EFCAB6: variants seen among roughly 807,000 people sequenced by gnomAD.
The protein encoded by EFCAB6 is EF-hand calcium-binding domain-containing protein 6.
In EFCAB6, 156 loss-of-function variants were observed where a neutral mutation model predicts 169.8. That is an observed-to-expected ratio of 0.92 (90% CI 0.81 to 1.05). EFCAB6 has a LOEUF of 1.05. Among genes scored for constraint, EFCAB6 ranks in the 50% least tolerant of loss-of-function variants. EFCAB6 has a pLI of 0.00. For synonymous variants in EFCAB6, 698 were observed against 676.4 expected (o/e 1.03, Z -0.50); for missense variants, 1,800 against 1,829.1 (o/e 0.98, Z 0.29).
intron 19 of EFCAB6, 62 bp downstream of exon 19, chr22:43,632,043 G>A (rs535465920): frequency 3.8e-6 from 6 of 1,588,752 alleles, no homozygotes; most frequent in East Asian, 2.2e-5. Context: ...CACCCACTTG[G>A]GCTGCGTGGT....
In EFCAB6 at chr22:43,540,151, C is replaced by T; in HGVS notation, c.3855G>A (p.Gly1285=). The stretch of plus-strand genomic sequence containing the variant: ...CACAGGGGTGGCTCTGCGACTTTGA[C>T]CCTGGTCTCAGCTCCTGAGTGGGCA... ...LSLPTQELRP[G]SKSQSHPCTP... Residue 1285 remains glycine, a synonymous_variant, in exon 28 of 32, where the codon GGG becomes GGA. Transcript: ENST00000262726. 6.2e-7 allele frequency: 1 copy of T among 1,614,162 alleles called. No individual in the cohort carries two copies. The highest frequency in any genetic ancestry group is 8.5e-7 in the Non-Finnish European group (1 of 1,180,006).
chr22:43,604,932 G>A (rs945991018), intron 22 of EFCAB6, among the ~76,000 whole-genome samples: 2 of 152,098 alleles, frequency 1.3e-5, no homozygotes, highest in Admixed American at 1.3e-4. Context: ...TACTCGGGTC[G>A]GCCCTTTGGT....
rs571022755 is a variant in EFCAB6 at position 43,565,147 on chromosome 22, G to A, written c.3421-10051C>T. On this transcript the variant is annotated intron_variant, in intron 26 of 31. Transcript: ENST00000262726. ...TACAATGTGATGGAAGGATGAAGGA[G>A]CATTTGCGTAATTGGGCAAGCCCTC... Among the ~76,000 whole-genome samples the A allele has an allele frequency of 2.0e-5, 3 of 152,372 alleles. No individual in the cohort carries two copies. The South Asian group carries it at 6.2e-4, about 32-fold the overall frequency.
chr22:43,692,682 C>CCAATA (rs553673333), intron 10 of EFCAB6, among the ~76,000 whole-genome samples: 11 of 152,012 alleles, frequency 7.2e-5, no homozygotes, highest in African/African-American at 2.7e-4. Context: ...CTGAACCCAA[C>CCAATA]CAATATGAAG....
chr22:43,759,736 T>C (rs1305560113), intron 5 of EFCAB6: 3 of 152,236 alleles, frequency 2.0e-5, no homozygotes, highest in Non-Finnish European at 2.9e-5. Flanking sequence ...ACCTTTTTAA[T>C]CTTCATGCTG....
rs755569176 is a variant in EFCAB6, at chr22:43,668,916, T to C, written c.1770A>G (p.Glu590=). Residue 590 remains glutamate, a synonymous_variant, in exon 16 of 32, where the codon GAA becomes GAG. Transcript: ENST00000262726. The part of the protein sequence containing the change: ...VLVPKDQLLS[E]HLQKDEQQQP... ...GCTGCTGTTCATCTTTTTGTAAATG[T>C]TCACTTAACAGCTGATCCTTTGGAA... 3.1e-6 allele frequency: 5 copies of C among 1,608,940 alleles called. No individual in the cohort carries two copies. Among genetic ancestry groups the C allele is most frequent in the Non-Finnish European group, 4.2e-6 (5 of 1,177,816 alleles).
chr22:43,577,063 C>A (rs2050303566), intron 25 of EFCAB6, among the ~76,000 whole-genome samples: 2 of 152,182 alleles, frequency 1.3e-5, no homozygotes, highest in South Asian at 4.1e-4. Context: ...CTGTCCTTTC[C>A]TGAGTCTCGG....
In EFCAB6 at chr22:43,804,301, G is replaced by A. The variant is rs377149870; in HGVS notation, c.-8+4694C>T. Among the ~76,000 whole-genome samples the A allele has an allele frequency of 2.1e-4, 32 of 152,078 alleles. No homozygotes were observed. The South Asian group carries it at 5.6e-3, about 27-fold the overall frequency. ...TGAAATGAAAATCCAACACACCAAA[G>A]TCTATGGGCTACAGCAAAAGCAGTA... On this transcript the variant is annotated intron_variant, in intron 2 of 31. Coordinates refer to ENST00000262726, the MANE Select transcript of EFCAB6 (RefSeq NM_022785.4).
intron 8 of EFCAB6, among the ~76,000 whole-genome samples, chr22:43,729,889 C>T (rs536702007): frequency 8.5e-5 from 13 of 152,130 alleles, no homozygotes; most frequent in Non-Finnish European, 8.8e-5. Context: ...CTGGTCATGG[C>T]GGCATACGCC....
intron 26 of EFCAB6, among the ~76,000 whole-genome samples, chr22:43,556,332 C>G (rs752010360): frequency 6.6e-6 from 1 of 152,082 alleles, no homozygotes; most frequent in Admixed American, 6.6e-5. Flanking sequence ...CAGGGCAGCC[C>G]GTGGAGTATG....
In EFCAB6 at chr22:43,580,954, C is replaced by T. The variant is rs571269270; in HGVS notation, c.3033-295G>A. Among the ~76,000 whole-genome samples, 25 of 152,278 alleles carry T rather than the reference C, an allele frequency of 1.6e-4. No homozygotes were observed. In the East Asian group the frequency reaches 4.1e-3, roughly 25 times the overall value. ...GGCTTGAAGGCTGGATATCAGGGTTCGTGGCTTTGCAGAAGATGGTAAGGG... is the reference window on the plus strand; with the variant it reads ...GGCTTGAAGGCTGGATATCAGGGTTTGTGGCTTTGCAGAAGATGGTAAGGG... On this transcript the variant is annotated intron_variant, in intron 24 of 31. Transcript: ENST00000262726.
intron 17 of EFCAB6, among the ~76,000 whole-genome samples, chr22:43,660,292 T>A (rs981027286): frequency 4.6e-5 from 7 of 152,100 alleles, no homozygotes; most frequent in Non-Finnish European, 1.0e-4. Flanking sequence ...CAAAATCATT[T>A]CCCCTGGTGT....
At chr22:43,718,554 G>A (rs936550423) in intron 8 of EFCAB6, among the ~76,000 whole-genome samples, 2 of 152,158 alleles carry the variant, frequency 1.3e-5, no homozygotes, top group East Asian at 1.9e-4. Flanking sequence ...AGGCCAAGAC[G>A]GGCAGATCAC....
chr22:43,726,568 C>T (rs1384488070), intron 8 of EFCAB6, among the ~76,000 whole-genome samples: 1 of 152,230 alleles, frequency 6.6e-6, no homozygotes, highest in African/African-American at 2.4e-5. Context: ...TGGAATCATG[C>T]TAAGTGGCTA....
chr22:43,566,682 A>G (rs1430841061), intron 26 of EFCAB6, among the ~76,000 whole-genome samples: 1 of 152,206 alleles, frequency 6.6e-6, no homozygotes, highest in Non-Finnish European at 1.5e-5. Context: ...CATGTGCAAG[A>G]ACACAGAAGC....
chr22:43,580,496 C>T lies in EFCAB6; in HGVS notation c.3196G>A (p.Val1066Ile), dbSNP rs1260937952. The T allele has an allele frequency of 6.2e-6, 10 of 1,614,032 alleles. No homozygotes were observed. The African/African-American group carries it at 9.3e-5, about 15-fold the overall frequency. Residue 1066 changes from valine to isoleucine, a missense_variant, in exon 25 of 32, where the codon GTA (valine) becomes ATA (isoleucine). Transcript: ENST00000262726. The part of the protein sequence containing the change: ...PQEAVRKIQE[V>I]VESSQLALST... Reference sequence around the variant, plus strand: ...AAAGCCAGCTGGGAGGACTCAACTACTTCCTGGATCTTCCTCACAGCCTCC... The same window carrying T: ...AAAGCCAGCTGGGAGGACTCAACTATTTCCTGGATCTTCCTCACAGCCTCC...
chr22:43,623,922 AG>A (rs1569267787), intron 20 of EFCAB6, among the ~76,000 whole-genome samples: 1 of 137,962 alleles, frequency 7.2e-6, no homozygotes, highest in Non-Finnish European at 1.6e-5. Flanking sequence ...AAAAAAAAAA[AG>A]AAAAAAAAGA....
chr22:43,588,850 T>G (rs894962434), intron 24 of EFCAB6, among the ~76,000 whole-genome samples: 8 of 152,116 alleles, frequency 5.3e-5, no homozygotes, highest in African/African-American at 1.9e-4. Context: ...GAAAAAGTGC[T>G]ATGTAGAAAA....
intron 24 of EFCAB6, among the ~76,000 whole-genome samples, chr22:43,583,409 T>G (rs546362314): frequency 6.6e-6 from 1 of 151,918 alleles, no homozygotes; most frequent in African/African-American, 2.4e-5. Flanking sequence ...CTCTTTTACT[T>G]AAGTATGGAT....
Sources: gnomAD v4.1 joint callset for allele counts (sites outside exome capture counted in the v4.1 genomes callset) on GRCh38, gnomAD v4.1.1 for gene constraint, MANE v1.5 for transcripts, NCBI Gene and HGNC (gene_info 2026-07-23, HGNC 2026-07-21) for gene names.